FIGN: variants seen among roughly 807,000 people sequenced by gnomAD.
The protein encoded by FIGN is fidgetin.
FIGN carries 11 observed loss-of-function variants against 51.3 expected under a neutral mutation model. The ratio of observed to expected loss-of-function variants is 0.21; its 90% CI spans 0.13 to 0.35. The LOEUF is 0.35. FIGN is among the 10% of genes least tolerant of loss of function. The pLI is 1.00. For synonymous variants in FIGN, 407 were observed against 363.2 expected, an observed-to-expected ratio of 1.12 and a Z score of -1.37; for missense variants, 857 against 943.6, an observed-to-expected ratio of 0.91 and a Z score of 1.20.
chr2:163,646,502 C>T (rs1371157333), intron 2 of FIGN, among the ~76,000 whole-genome samples: 2 of 152,068 alleles, frequency 1.3e-5, no homozygotes, highest in African/African-American at 2.4e-5. Flanking sequence ...CAAAATTTTG[C>T]AGGGACAAAT....
chr2:163,723,116 G>T (rs1043486912), intron 2 of FIGN, among the ~76,000 whole-genome samples: 1 of 151,850 alleles, frequency 6.6e-6, no homozygotes, highest in East Asian at 1.9e-4. Context: ...GCGTGAACCC[G>T]GGAGGTGGAG....
At chr2:163,711,669 A>AC (rs1164502744) in intron 2 of FIGN, among the ~76,000 whole-genome samples, 13 of 151,776 alleles carry the variant, frequency 8.6e-5, no homozygotes, top group African/African-American at 2.4e-4. Flanking sequence ...AAAAAAAAAA[A>AC]AAAACTATTT....
In FIGN at chr2:163,676,893, C is replaced by A. The variant is rs143769680; in HGVS notation, c.25+58010G>T. Among the ~76,000 whole-genome samples, 284 of 152,080 alleles carry A rather than the reference C, an allele frequency of 1.9e-3. 1 individual carries two copies. The highest frequency in any genetic ancestry group is 6.3e-3 in the African/African-American group (261 of 41,498). ...AGTTTATAATACAAAAAAGAATTAG[C>A]ACTCAAAATATGTATGCAAGGAAAT... On this transcript the variant is annotated intron_variant, in intron 2 of 2. Coordinates refer to ENST00000333129, the MANE Select transcript of FIGN (RefSeq NM_018086.4).
Position 163,659,504 on chromosome 2 carries a change from G to T in FIGN, c.26-47698C>A, listed in dbSNP as rs116488692. On this transcript the variant is annotated intron_variant, in intron 2 of 2. Transcript: ENST00000333129. The stretch of plus-strand genomic sequence containing the variant: ...CATGGGCAGATAGAGCCCTCGAAGG[G>T]CTTGGAAATGTATCCAGATTATCCC... Among the ~76,000 whole-genome samples the T allele has an allele frequency of 3.7e-3, 570 of 152,244 alleles. 4 individuals carry two copies. The highest frequency in any genetic ancestry group is 0.013 in the African/African-American group (555 of 41,534).
chr2:163,725,950 T>C (rs576627112), intron 2 of FIGN, among the ~76,000 whole-genome samples: 16 of 152,106 alleles, frequency 1.1e-4, no homozygotes, highest in Non-Finnish European at 2.4e-4. Flanking sequence ...CAACTGGACA[T>C]TCATTTCTGA....
At chr2:163,686,248 G>C (rs748801061) in intron 2 of FIGN, among the ~76,000 whole-genome samples, 50 of 152,268 alleles carry the variant, frequency 3.3e-4, no homozygotes, top group Middle Eastern at 3.4e-3. Flanking sequence ...AAAGGAGGAT[G>C]AATTTTAAAT....
intron 2 of FIGN, among the ~76,000 whole-genome samples, chr2:163,644,215 G>T (rs1683349325): frequency 6.6e-6 from 1 of 152,046 alleles, no homozygotes; most frequent in Non-Finnish European, 1.5e-5. Context: ...AATATATAAA[G>T]ATTACTTAAA....
chr2:163,689,296 T>C (rs1264682443), intron 2 of FIGN, among the ~76,000 whole-genome samples: 4 of 152,050 alleles, frequency 2.6e-5, no homozygotes, highest in Non-Finnish European at 2.9e-5. Flanking sequence ...CAGAGCTCTA[T>C]ACTGCAAGTT....
intron 2 of FIGN, among the ~76,000 whole-genome samples, chr2:163,651,849 A>G (rs990572736): frequency 2.6e-5 from 4 of 152,226 alleles, no homozygotes; most frequent in Admixed American, 1.3e-4. Flanking sequence ...GCACCAAAGC[A>G]TTCAGCAGGC....
chr2:163,635,168 TAAAC>T (rs1683206686), intron 2 of FIGN, among the ~76,000 whole-genome samples: 1 of 152,186 alleles, frequency 6.6e-6, no homozygotes, highest in Non-Finnish European at 1.5e-5. Context: ...CACAAAATAA[TAAAC>T]AAGACATCAT....
intron 2 of FIGN, among the ~76,000 whole-genome samples, chr2:163,625,512 A>C (rs1003670425): frequency 6.6e-6 from 1 of 152,016 alleles, no homozygotes; most frequent in Non-Finnish European, 1.5e-5. Flanking sequence ...ATTTATATGC[A>C]CTAAGGGTGG....
intron 2 of FIGN, among the ~76,000 whole-genome samples, chr2:163,665,258 C>T (rs1433461620): frequency 6.6e-6 from 1 of 152,248 alleles, no homozygotes; most frequent in African/African-American, 2.4e-5. Context: ...TGCATGCTCA[C>T]TCCATCCATA....
intron 2 of FIGN, among the ~76,000 whole-genome samples, chr2:163,644,074 C>T (rs184053757): frequency 1.3e-3 from 194 of 151,240 alleles, no homozygotes; most frequent in Non-Finnish European, 2.3e-3. Context: ...AAAGCATGAG[C>T]ACCAAAAGAA....
At chr2:163,613,121 A>T (rs1285121780) in intron 2 of FIGN, among the ~76,000 whole-genome samples, 1 of 152,116 alleles carries the variant, frequency 6.6e-6, no homozygotes, top group Admixed American at 6.6e-5. Context: ...GCGATTTATA[A>T]TGTACCCTCG....
intron 2 of FIGN, among the ~76,000 whole-genome samples, chr2:163,637,090 CAAAA>C (rs1465510105): frequency 6.6e-6 from 1 of 151,930 alleles, no homozygotes; most frequent in Non-Finnish European, 1.5e-5. Flanking sequence ...AACAAACAAA[CAAAA>C]AACGGAACAC....
At position 163,605,394 on chromosome 2, in the gene FIGN, T is replaced by C. The variant is rs1243988330; in HGVS notation, c.*4158A>G. ...ATACTAATAGCTCCAGGTTTGCTAATGTGCTTCATATAAAAATCGGCAGAT... is the reference window on the plus strand; with the variant it reads ...ATACTAATAGCTCCAGGTTTGCTAACGTGCTTCATATAAAAATCGGCAGAT... On this transcript the variant is annotated 3_prime_UTR_variant, in exon 3 of 3. Transcript: ENST00000333129. 1 of 152,006 alleles carries C rather than the reference T, an allele frequency of 6.6e-6. No individual in the cohort carries two copies. The highest frequency in any genetic ancestry group is 6.6e-5 in the Admixed American group (1 of 15,226). The allele number at this position is 152,006 out of a possible 1,614,324, so 9.4% of individuals were successfully genotyped here.
chr2:163,666,301 G>A (rs1051839348), intron 2 of FIGN, among the ~76,000 whole-genome samples: 21 of 152,208 alleles, frequency 1.4e-4, no homozygotes, highest in African/African-American at 3.9e-4. Flanking sequence ...TTGCTTCTTC[G>A]CCTTCCTCAA....
intron 2 of FIGN, among the ~76,000 whole-genome samples, chr2:163,641,123 G>A (rs1027702005): frequency 6.6e-6 from 1 of 152,208 alleles, no homozygotes; most frequent in African/African-American, 2.4e-5. Context: ...CACCAATGAA[G>A]TTCACAAACT....
Position 163,610,623 on chromosome 2 carries a change from G to C in FIGN, c.1209C>G (p.Ser403=), listed in dbSNP as rs1248856160. 1 of 1,614,192 alleles carries C rather than the reference G, an allele frequency of 6.2e-7. No individual in the cohort carries two copies. Among genetic ancestry groups the C allele is most frequent in the Non-Finnish European group, 8.5e-7 (1 of 1,180,028 alleles). ...SQSSRALTPP[S]YSTAKNSLGS... is the part of the protein sequence containing the mutation. ...CCAATGAATTTTTAGCAGTACTGTAGGAAGGAGGGGTCAGAGCCCTACTGG... is the reference window on the plus strand; with the variant it reads ...CCAATGAATTTTTAGCAGTACTGTACGAAGGAGGGGTCAGAGCCCTACTGG... Residue 403 remains serine, a synonymous_variant, in exon 3 of 3, where the codon TCC becomes TCG. Coordinates refer to ENST00000333129, the MANE Select transcript of FIGN (RefSeq NM_018086.4).
Sources: gnomAD v4.1 joint callset for allele counts (sites outside exome capture counted in the v4.1 genomes callset) on GRCh38, gnomAD v4.1.1 for gene constraint, MANE v1.5 for transcripts, NCBI Gene and HGNC (gene_info 2026-07-23, HGNC 2026-07-21) for gene names.